Variants in NUMB observed in about 807,000 individuals in gnomAD.
NUMB encodes protein numb homolog.
NUMB carries 29 observed loss-of-function variants against 59.7 expected under a neutral mutation model. The observed-to-expected ratio is 0.49, with a 90% confidence interval of 0.36 to 0.66. NUMB has a LOEUF of 0.66. NUMB is among the 30% of genes least tolerant of loss of function. The pLI is 0.00. For missense variants in NUMB, 723 were observed against 822.0 expected, an observed-to-expected ratio of 0.88 and a Z score of 1.47; for synonymous variants, 288 against 288.2, an observed-to-expected ratio of 1.00 and a Z score of 0.01.
chr14:73,370,411 G>C (rs75386743), intron 2 of NUMB, among the ~76,000 whole-genome samples: 10 of 152,098 alleles, frequency 6.6e-5, no homozygotes, highest in Non-Finnish European at 1.0e-4. Flanking sequence ...GTTTCTTCTC[G>C]CCAGGCGTGG....
chr14:73,291,743 C>T (rs983470478), intron 8 of NUMB, among the ~76,000 whole-genome samples: 3 of 147,338 alleles, frequency 2.0e-5, no homozygotes, highest in Non-Finnish European at 4.5e-5. Flanking sequence ...GAGTCAGTGG[C>T]ACAAATCTCA....
At chr14:73,331,531 G>C (rs1465272665) in intron 4 of NUMB, among the ~76,000 whole-genome samples, 1 of 152,106 alleles carries the variant, frequency 6.6e-6, no homozygotes, top group African/African-American at 2.4e-5. Context: ...CTGGGCAACA[G>C]AGCAAGACTC....
chr14:73,363,604 A>G (rs1894192148), intron 3 of NUMB, among the ~76,000 whole-genome samples: 1 of 152,210 alleles, frequency 6.6e-6, no homozygotes, highest in African/African-American at 2.4e-5. Context: ...AACTAAGGAC[A>G]AGAAATTAAA....
intron 4 of NUMB, among the ~76,000 whole-genome samples, chr14:73,341,780 A>T (rs1036916975): frequency 6.6e-6 from 1 of 152,218 alleles, no homozygotes; most frequent in Non-Finnish European, 1.5e-5. Flanking sequence ...TATATTCAAC[A>T]TTGTTTAATA....
chr14:73,445,291 G>A (rs928863891), intron 1 of NUMB, among the ~76,000 whole-genome samples: 1 of 134,754 alleles, frequency 7.4e-6, no homozygotes, highest in Non-Finnish European at 1.5e-5. Context: ...GGAGTTTAAG[G>A]CTGCAGTTAG....
intron 6 of NUMB, among the ~76,000 whole-genome samples, chr14:73,314,520 C>T (rs188540133): frequency 7.1e-4 from 108 of 152,232 alleles, no homozygotes; most frequent in Non-Finnish European, 1.1e-3. Flanking sequence ...ATCATGGCCC[C>T]ATTATACGTA....
chr14:73,292,918 A>C, intron 7 of NUMB, 44 bp from the exon 8 acceptor site: 1 of 1,598,842 alleles, frequency 6.3e-7, no homozygotes, highest in Non-Finnish European at 8.6e-7. Context: ...TTATGAGGTT[A>C]TCTGAGCTTC....
rs899278318 is a variant in NUMB at position 73,425,193 on chromosome 14, G to A, written c.-232-15125C>T. On this transcript the variant is annotated intron_variant, in intron 1 of 12. Transcript: ENST00000555238. Reference sequence around the variant, plus strand: ...TGACTTCTTTGATTCACAGCTAATAGAAAGTACATGCAATAGAGCTTAAAG... The same window carrying A: ...TGACTTCTTTGATTCACAGCTAATAAAAAGTACATGCAATAGAGCTTAAAG... Among the ~76,000 whole-genome samples the A allele has an allele frequency of 5.3e-5, 8 of 152,192 alleles. No individual in the cohort carries two copies. The East Asian group carries it at 1.5e-3, about 29-fold the overall frequency.
chr14:73,448,280 C>A (rs1883678674), intron 1 of NUMB, among the ~76,000 whole-genome samples: 1 of 152,128 alleles, frequency 6.6e-6, no homozygotes, highest in African/African-American at 2.4e-5. Flanking sequence ...GATTTGAAGT[C>A]TATTACATCA....
At chr14:73,411,468 G>A (rs747397850) in intron 1 of NUMB, among the ~76,000 whole-genome samples, 4 of 151,866 alleles carry the variant, frequency 2.6e-5, no homozygotes, top group African/African-American at 9.7e-5. Context: ...CACCTTCCAG[G>A]AGACAAAAAA....
intron 8 of NUMB, among the ~76,000 whole-genome samples, chr14:73,290,628 T>A (rs1340514863): frequency 6.6e-6 from 1 of 152,268 alleles, no homozygotes; most frequent in Non-Finnish European, 1.5e-5. Flanking sequence ...TTTACTGACC[T>A]GTAACCTTCA....
At chr14:73,420,588 C>A (rs999706772) in intron 1 of NUMB, among the ~76,000 whole-genome samples, 2 of 152,190 alleles carry the variant, frequency 1.3e-5, no homozygotes, top group Admixed American at 6.5e-5. Context: ...GGGATGCCAA[C>A]GCACGCGGAT....
In NUMB at chr14:73,363,815, G is replaced by A. The variant is rs933751294; in HGVS notation, c.-16+3082C>T. 3.9e-5 allele frequency among the ~76,000 whole-genome samples: 6 copies of A among 152,076 alleles called. 1 individual carries two copies. The highest frequency in any genetic ancestry group is 1.4e-4 in the African/African-American group (6 of 41,388). On this transcript the variant is annotated intron_variant, in intron 3 of 12. Coordinates refer to ENST00000555238, the MANE Select transcript of NUMB (RefSeq NM_001005743.2). ...AATTTTAAAAGTAGACAGCCATGAT[G>A]GTGCACCCCTGTAGTACCAGCTACT...
At chr14:73,409,215 A>G (rs1425204302) in intron 2 of NUMB, 1 of 152,154 alleles carries the variant, frequency 6.6e-6, no homozygotes, top group Non-Finnish European at 1.5e-5. Flanking sequence ...AACTTGGGAG[A>G]ACCTTTACAA....
chr14:73,407,537 G>T (rs1287201255), intron 2 of NUMB, among the ~76,000 whole-genome samples: 1 of 152,226 alleles, frequency 6.6e-6, no homozygotes, highest in Non-Finnish European at 1.5e-5. Flanking sequence ...ATCATTCGCA[G>T]TTGAGAATTA....
At chr14:73,444,625 A>G (rs1595046958) in intron 1 of NUMB, among the ~76,000 whole-genome samples, 3 of 151,948 alleles carry the variant, frequency 2.0e-5, no homozygotes, top group South Asian at 4.2e-4. Context: ...TTAGTCTACA[A>G]TTTTTCTCTA....
chr14:73,429,759 A>G (rs186026423), intron 1 of NUMB, among the ~76,000 whole-genome samples: 17 of 152,222 alleles, frequency 1.1e-4, no homozygotes, highest in African/African-American at 3.9e-4. Context: ...CCTGGCCAAC[A>G]TGGTGAAACC....
At chr14:73,352,604 G>C (rs563425315) in intron 4 of NUMB, among the ~76,000 whole-genome samples, 2 of 132,842 alleles carry the variant, frequency 1.5e-5, no homozygotes, top group Non-Finnish European at 3.1e-5. Context: ...GCACAATCTC[G>C]GCTCACTTCA....
At position 73,350,066 on chromosome 14, in the gene NUMB, T is replaced by TACACACACACACACACACAC. The variant is rs1161769200; in HGVS notation, c.126+5559_126+5560insGTGTGTGTGTGTGTGTGTGT. Among the ~76,000 whole-genome samples the TACACACACACACACACACAC allele has an allele frequency of 5.8e-5, 6 of 103,708 alleles. 1 individual carries two copies. The South Asian group carries it at 1.3e-3, about 23-fold the overall frequency. 68.0% of individuals were successfully genotyped at this position (103,708 alleles called of 152,430 possible). A position where few individuals can be genotyped will look rare whatever the true frequency, so the allele number is the denominator to read the frequency against. On this transcript the variant is annotated intron_variant, in intron 4 of 12. Transcript: ENST00000555238. ...TCACATACATACATACATATATACA[T>TACACACACACACACACACAC]ACATACATACATACACACACACACA...
Sources: allele counts gnomAD v4.1 joint callset (sites outside exome capture counted in the v4.1 genomes callset), GRCh38; gene constraint gnomAD v4.1.1; transcripts MANE v1.5; gene names NCBI Gene and HGNC (gene_info 2026-07-23, HGNC 2026-07-21).